KLHL3: variants seen among roughly 807,000 people sequenced by gnomAD.
The protein encoded by KLHL3 is kelch-like protein 3.
KLHL3 carries 19 observed loss-of-function variants against 70.5 expected under a neutral mutation model. The observed-to-expected ratio is 0.27, with a 90% CI of 0.19 to 0.40. KLHL3 has a LOEUF of 0.40. Ranked by LOEUF, KLHL3 falls within the 10% of genes least tolerant of loss-of-function variation. The pLI is 1.00. For synonymous variants in KLHL3, 258 were observed against 290.3 expected, an observed-to-expected ratio of 0.89 and a Z score of 1.13; for missense variants, 512 against 771.1, an observed-to-expected ratio of 0.66 and a Z score of 3.98.
chr5:137,657,567 CCTGG>C (rs1751374054), intron 8 of KLHL3, among the ~76,000 whole-genome samples: 1 of 152,128 alleles, frequency 6.6e-6, no homozygotes, highest in Non-Finnish European at 1.5e-5. Context: ...CTTCCCTTTC[CCTGG>C]CTGCTCCCTC....
At chr5:137,686,130 G>A (rs561708919) in intron 5 of KLHL3, among the ~76,000 whole-genome samples, 1 of 152,328 alleles carries the variant, frequency 6.6e-6, no homozygotes, top group African/African-American at 2.4e-5. Context: ...GAAGAGTAGG[G>A]GAGGCTGGAC....
intron 5 of KLHL3, among the ~76,000 whole-genome samples, chr5:137,686,396 A>G (rs1752163501): frequency 5.9e-5 from 9 of 152,222 alleles, no homozygotes; most frequent in Admixed American, 5.9e-4. Context: ...TCCCCAGATC[A>G]TCCTGGAAAC....
At chr5:137,729,962 A>C (rs1417841788) in intron 1 of KLHL3, among the ~76,000 whole-genome samples, 5 of 152,156 alleles carry the variant, frequency 3.3e-5, no homozygotes, top group African/African-American at 9.6e-5. Context: ...ACCTCAGTTC[A>C]TAGAATTAGG....
intron 7 of KLHL3, among the ~76,000 whole-genome samples, chr5:137,660,441 A>T (rs1368787519): frequency 1.3e-5 from 2 of 152,144 alleles, no homozygotes; most frequent in African/African-American, 2.4e-5. Context: ...GGGAGGTTTG[A>T]CTGACACTGG....
chr5:137,714,522 T>G (rs908799032), intron 2 of KLHL3, among the ~76,000 whole-genome samples: 1 of 152,122 alleles, frequency 6.6e-6, no homozygotes, highest in Non-Finnish European at 1.5e-5. Context: ...TTATGCTAAA[T>G]GAAAGAAGCC....
At chr5:137,652,692 A>C (rs1015793714) in intron 8 of KLHL3, among the ~76,000 whole-genome samples, 2 of 152,234 alleles carry the variant, frequency 1.3e-5, no homozygotes, top group Admixed American at 6.5e-5. Context: ...TGTTGACCAA[A>C]GGATATGAAA....
chr5:137,642,545 C>T (rs1006597202), intron 8 of KLHL3, among the ~76,000 whole-genome samples: 3 of 152,316 alleles, frequency 2.0e-5, no homozygotes, highest in Non-Finnish European at 2.9e-5. Flanking sequence ...ACCAAGATAA[C>T]TCCATATACT....
intron 3 of KLHL3, among the ~76,000 whole-genome samples, chr5:137,703,035 A>C (rs1422762089): frequency 6.6e-6 from 1 of 152,214 alleles, no homozygotes; most frequent in Non-Finnish European, 1.5e-5. Flanking sequence ...GTCCAGAAAA[A>C]TCACTAGCTC....
chr5:137,644,016 C>T (rs973426499), intron 8 of KLHL3, among the ~76,000 whole-genome samples: 2 of 152,056 alleles, frequency 1.3e-5, no homozygotes, highest in African/African-American at 2.4e-5. Flanking sequence ...TTTCATTTAA[C>T]ATAATGTTCT....
chr5:137,650,821 TAA>T (rs202115631), intron 8 of KLHL3, among the ~76,000 whole-genome samples: 43 of 118,274 alleles, frequency 3.6e-4, no homozygotes, highest in Admixed American at 3.5e-4. Flanking sequence ...AAACTCCATC[TAA>T]AAAAAAAAAA....
intron 3 of KLHL3, chr5:137,706,292 C>G (rs887323333): frequency 1.0e-6 from 1 of 985,338 alleles, no homozygotes; most frequent in African/African-American, 1.7e-5. Flanking sequence ...GAGTCAGCCT[C>G]TTACTCTCAG....
chr5:137,669,380 T>A (rs1215431306), intron 6 of KLHL3, among the ~76,000 whole-genome samples: 1 of 152,120 alleles, frequency 6.6e-6, no homozygotes, highest in Non-Finnish European at 1.5e-5. Context: ...AAATATTTCT[T>A]AATAGGATGA....
At chr5:137,659,307 T>G (rs908405958) in intron 7 of KLHL3, among the ~76,000 whole-genome samples, 1 of 152,152 alleles carries the variant, frequency 6.6e-6, no homozygotes, top group African/African-American at 2.4e-5. Flanking sequence ...ATCTCAGCCC[T>G]CAAGTCAGTG....
intron 12 of KLHL3, chr5:137,628,664 G>A (rs76978347): frequency 0.013 from 5,179 of 412,194 alleles, 108 homozygotes; most frequent in South Asian, 0.055. Flanking sequence ...ATGCAAATGT[G>A]ACCCAAATTC....
chr5:137,723,672 T>C (rs905831553), intron 1 of KLHL3, among the ~76,000 whole-genome samples: 2 of 152,240 alleles, frequency 1.3e-5, no homozygotes, highest in African/African-American at 4.8e-5. Context: ...CTGCATATAA[T>C]GCCAGAGATT....
intron 1 of KLHL3, among the ~76,000 whole-genome samples, chr5:137,734,119 G>A (rs182577183): frequency 4.6e-5 from 7 of 152,266 alleles, no homozygotes; most frequent in East Asian, 3.9e-4. Context: ...TGTTTGATCC[G>A]CTGCTGGTAG....
At chr5:137,641,755 C>G (rs746461436) in intron 8 of KLHL3, among the ~76,000 whole-genome samples, 1 of 152,116 alleles carries the variant, frequency 6.6e-6, no homozygotes, top group Non-Finnish European at 1.5e-5. Flanking sequence ...CAGACTTAGT[C>G]CATAGCTGTC....
intron 1 of KLHL3, among the ~76,000 whole-genome samples, chr5:137,724,827 C>T (rs1235394047): frequency 6.6e-6 from 1 of 152,028 alleles, no homozygotes; most frequent in Non-Finnish European, 1.5e-5. Flanking sequence ...ATCTGAGGGC[C>T]CAGAGAAGTT....
intron 8 of KLHL3, among the ~76,000 whole-genome samples, chr5:137,657,003 A>G (rs573726705): frequency 1.3e-5 from 2 of 152,334 alleles, no homozygotes; most frequent in East Asian, 3.9e-4. Context: ...TAACCTCAGC[A>G]CTCAATAAAG....
Sources: allele counts gnomAD v4.1 joint callset (sites outside exome capture counted in the v4.1 genomes callset), GRCh38; gene constraint gnomAD v4.1.1; transcripts MANE v1.5; gene names NCBI Gene and HGNC (gene_info 2026-07-23, HGNC 2026-07-21).